Variants in ZNF248 observed in about 807,000 individuals in gnomAD.
ZNF248 encodes the protein KRAB protein domain.
ZNF248 carries 20 observed loss-of-function variants against 44.3 expected under a neutral mutation model. The ratio of observed to expected loss-of-function variants is 0.45; its 90% confidence interval spans 0.32 to 0.66. The LOEUF is 0.66. ZNF248 is among the 30% of genes least tolerant of loss of function. The pLI is 0.04. For synonymous variants in ZNF248, 224 were observed against 229.0 expected, an observed-to-expected ratio of 0.98 and a Z score of 0.20; for missense variants, 654 against 677.0, an observed-to-expected ratio of 0.97 and a Z score of 0.38.
intron 5 of ZNF248, among the ~76,000 whole-genome samples, chr10:37,836,558 A>C (rs2057218270): frequency 6.6e-6 from 1 of 152,074 alleles, no homozygotes; most frequent in South Asian, 2.1e-4. Context: ...CATAGCTCAC[A>C]CTTTCATATT....
At chr10:37,808,840 G>A (rs1361767267) in intron 6 of ZNF248, among the ~76,000 whole-genome samples, 1 of 151,948 alleles carries the variant, frequency 6.6e-6, no homozygotes, top group Non-Finnish European at 1.5e-5. Context: ...CACCAAGGAA[G>A]GCATCACGTC....
At chr10:37,799,934 G>A (rs1183911644) in intron 6 of ZNF248, among the ~76,000 whole-genome samples, 6 of 152,062 alleles carry the variant, frequency 3.9e-5, no homozygotes, top group African/African-American at 1.2e-4. Context: ...TAGGCCAGGT[G>A]TGGTGGCTCA....
the ZNF248 span, among the ~76,000 whole-genome samples, chr10:37,761,732 G>T: frequency 2.0e-5 from 3 of 152,194 alleles, no homozygotes; most frequent in African/African-American, 7.2e-5. Context: ...CCCAGAGACT[G>T]CTGTTAATAT....
chr10:37,773,048 A>G (rs958019230), downstream of ZNF248, among the ~76,000 whole-genome samples: 4 of 152,174 alleles, frequency 2.6e-5, no homozygotes, highest in Admixed American at 6.5e-5. Flanking sequence ...GGAGTTTGAG[A>G]CCAGCCTGGC....
chr10:37,767,558 A>G, the ZNF248 span, among the ~76,000 whole-genome samples: 1 of 152,208 alleles, frequency 6.6e-6, no homozygotes, highest in Non-Finnish European at 1.5e-5. Context: ...AAAATACTTT[A>G]CAGACAAGTA....
chr10:37,812,773 A>G (rs1016909999), intron 6 of ZNF248, among the ~76,000 whole-genome samples: 1 of 151,228 alleles, frequency 6.6e-6, no homozygotes, highest in Non-Finnish European at 1.5e-5. Context: ...GTTCATTACA[A>G]TGGTACTCCA....
At chr10:37,770,572 T>C in the ZNF248 span, among the ~76,000 whole-genome samples, 3 of 152,154 alleles carry the variant, frequency 2.0e-5, no homozygotes, top group Non-Finnish European at 2.9e-5. Context: ...TAGCCATATG[T>C]AGAAAGCTGA....
chr10:37,841,026 T>G (rs542421891), intron 3 of ZNF248, among the ~76,000 whole-genome samples: 2 of 152,204 alleles, frequency 1.3e-5, no homozygotes, highest in African/African-American at 2.4e-5. Flanking sequence ...CAAAGGAAGA[T>G]TCAGATGAAA....
At chr10:37,806,512 A>G (rs1168231070) in intron 6 of ZNF248, among the ~76,000 whole-genome samples, 2 of 151,004 alleles carry the variant, frequency 1.3e-5, no homozygotes, top group African/African-American at 4.9e-5. Flanking sequence ...CTATCTTTTC[A>G]TATGCTTATG....
intron 6 of ZNF248, among the ~76,000 whole-genome samples, chr10:37,777,995 T>C (rs2046799328): frequency 1.3e-5 from 2 of 151,994 alleles, no homozygotes; most frequent in South Asian, 4.1e-4. Context: ...GCAATAAACA[T>C]ACGTGTGCAT....
upstream of ZNF248, chr10:37,857,820 C>T (rs2061571018): frequency 2.0e-5 from 3 of 152,522 alleles, no homozygotes; most frequent in South Asian, 6.2e-4. Flanking sequence ...GCATACGGAC[C>T]CCCGGGAGCC....
At chr10:37,801,265 A>G (rs957719414) in intron 6 of ZNF248, among the ~76,000 whole-genome samples, 3 of 151,846 alleles carry the variant, frequency 2.0e-5, no homozygotes, top group Non-Finnish European at 2.9e-5. Flanking sequence ...AGACCCAGCT[A>G]CTCAGGAGGC....
At chr10:37,760,171 A>G in the ZNF248 span, among the ~76,000 whole-genome samples, 1 of 152,184 alleles carries the variant, frequency 6.6e-6, no homozygotes, top group African/African-American at 2.4e-5. Context: ...AGTAAATAAA[A>G]CCTTTAACAA....
the ZNF248 span, among the ~76,000 whole-genome samples, chr10:37,765,727 G>C: frequency 6.6e-6 from 1 of 152,212 alleles, no homozygotes; most frequent in Non-Finnish European, 1.5e-5. Context: ...AAGGTACTGG[G>C]TTCATCTCAC....
At chr10:37,760,058 G>A in the ZNF248 span, among the ~76,000 whole-genome samples, 1 of 152,112 alleles carries the variant, frequency 6.6e-6, no homozygotes, top group East Asian at 1.9e-4. Flanking sequence ...CCTGGATTCT[G>A]GCCTGATCTT....
intron 3 of ZNF248, among the ~76,000 whole-genome samples, chr10:37,844,386 A>G (rs931418361): frequency 1.3e-5 from 2 of 152,220 alleles, no homozygotes; most frequent in African/African-American, 4.8e-5. Flanking sequence ...AAAGATCTTC[A>G]TAACTCAACG....
At chr10:37,772,874 A>C (rs115879294), downstream of ZNF248, among the ~76,000 whole-genome samples, 433 of 152,350 alleles carry the variant, frequency 2.8e-3, 1 homozygote, top group African/African-American at 9.7e-3. Flanking sequence ...ACCTACATGA[A>C]TCAAACCAAA....
the ZNF248 span, among the ~76,000 whole-genome samples, chr10:37,759,636 C>T: frequency 1.5e-4 from 23 of 152,174 alleles, no homozygotes; most frequent in Admixed American, 1.5e-3. Flanking sequence ...AGCTAACCAA[C>T]AAGACAGAGC....
intron 6 of ZNF248, among the ~76,000 whole-genome samples, chr10:37,806,982 C>CA (rs1290845457): frequency 9.2e-6 from 1 of 108,834 alleles, no homozygotes; most frequent in Non-Finnish European, 2.0e-5. Context: ...GTTTTCCCAG[C>CA]ATTTTTTTTT....
Sources: allele counts gnomAD v4.1 joint callset (sites outside exome capture counted in the v4.1 genomes callset), GRCh38; gene constraint gnomAD v4.1.1; transcripts MANE v1.5; gene names NCBI Gene and HGNC (gene_info 2026-07-23, HGNC 2026-07-21).